SHISA9: variants seen among roughly 807,000 people sequenced by gnomAD.
The protein encoded by SHISA9 is shisa family member 9, also known as protein shisa-9.
Under a neutral mutation model 38.0 loss-of-function variants are expected in SHISA9, and 13 were observed. The ratio of observed to expected loss-of-function variants is 0.34; its 90% CI spans 0.22 to 0.54. The LOEUF (loss-of-function observed/expected upper bound fraction) is 0.54. Among genes scored for constraint, SHISA9 ranks in the 20% least tolerant of loss-of-function variants. The probability of loss-of-function intolerance (pLI) is 0.91; values close to 1 mark genes in which losing one functional copy is unlikely to be tolerated. For missense variants in SHISA9, 538 were observed against 575.8 expected (o/e 0.93, Z 0.67); for synonymous variants, 275 against 242.0 (o/e 1.14, Z -1.27).
the SHISA9 span, among the ~76,000 whole-genome samples, chr16:13,561,420 C>A: frequency 6.6e-6 from 1 of 152,206 alleles, no homozygotes; most frequent in Admixed American, 6.5e-5. Flanking sequence ...CATTCTCGTG[C>A]TGCTGTCAGA....
At chr16:13,419,814 A>G in the SHISA9 span, among the ~76,000 whole-genome samples, 1 of 152,236 alleles carries the variant, frequency 6.6e-6, no homozygotes, top group Non-Finnish European at 1.5e-5. Flanking sequence ...CTTTATTTAC[A>G]AAGCCAGGTG....
chr16:12,969,036 A>G (rs1480500994), intron 2 of SHISA9, among the ~76,000 whole-genome samples: 1 of 152,000 alleles, frequency 6.6e-6, no homozygotes, highest in Non-Finnish European at 1.5e-5. Context: ...GCGCACCTGT[A>G]GTCCCAGCTA....
At chr16:13,215,803 A>G (rs1307738550) in intron 4 of SHISA9, among the ~76,000 whole-genome samples, 7 of 151,930 alleles carry the variant, frequency 4.6e-5, no homozygotes, top group African/African-American at 1.7e-4. Flanking sequence ...TCTCTACTCA[A>G]CCTCTAGACC....
At chr16:13,144,971 G>A (rs1386309590) in intron 2 of SHISA9, among the ~76,000 whole-genome samples, 1 of 152,232 alleles carries the variant, frequency 6.6e-6, no homozygotes, top group African/African-American at 2.4e-5. Flanking sequence ...AGAAGATAGA[G>A]CTTTTGGCAG....
At chr16:13,085,376 T>C (rs142173821) in intron 2 of SHISA9, among the ~76,000 whole-genome samples, 4 of 152,120 alleles carry the variant, frequency 2.6e-5, no homozygotes, top group African/African-American at 4.8e-5. Flanking sequence ...CCAACATAGA[T>C]ATAGGTTCTA....
intron 2 of SHISA9, among the ~76,000 whole-genome samples, chr16:13,017,926 T>G (rs1046203537): frequency 6.6e-6 from 1 of 152,208 alleles, no homozygotes; most frequent in Non-Finnish European, 1.5e-5. Flanking sequence ...TAGCTGAGTT[T>G]TAAGGAAATC....
chr16:13,005,859 T>TG (rs2072591454), intron 2 of SHISA9, among the ~76,000 whole-genome samples: 2 of 152,220 alleles, frequency 1.3e-5, no homozygotes, highest in South Asian at 2.1e-4. Context: ...TAGGGACTGT[T>TG]GCCTGTTTAG....
At chr16:13,252,553 G>T in the SHISA9 span, among the ~76,000 whole-genome samples, 1 of 152,100 alleles carries the variant, frequency 6.6e-6, no homozygotes, top group African/African-American at 2.4e-5. Flanking sequence ...ACATCTGTTG[G>T]GTCTTTGATT....
the SHISA9 span, among the ~76,000 whole-genome samples, chr16:13,549,809 G>C: frequency 6.6e-6 from 1 of 152,058 alleles, no homozygotes; most frequent in Non-Finnish European, 1.5e-5. Context: ...CAGATCACAA[G>C]GTCAGGAGTT....
the SHISA9 span, among the ~76,000 whole-genome samples, chr16:13,310,837 C>A: frequency 1.3e-5 from 2 of 151,936 alleles, no homozygotes; most frequent in African/African-American, 4.8e-5. Flanking sequence ...GGGCCTGCCA[C>A]CATTCACAGC....
intron 2 of SHISA9, among the ~76,000 whole-genome samples, chr16:13,185,604 T>G (rs1025336309): frequency 6.6e-6 from 1 of 152,216 alleles, no homozygotes; most frequent in African/African-American, 2.4e-5. Context: ...TAATCTCTCT[T>G]TGTACCTGCT....
chr16:13,065,446 C>G (rs572000285), intron 2 of SHISA9, among the ~76,000 whole-genome samples: 1 of 152,288 alleles, frequency 6.6e-6, no homozygotes, highest in South Asian at 2.1e-4. Flanking sequence ...AAGGCCAAAG[C>G]CACGTTTAGG....
chr16:13,034,731 A>G (rs1464828023), intron 2 of SHISA9, among the ~76,000 whole-genome samples: 2 of 152,188 alleles, frequency 1.3e-5, no homozygotes, highest in Non-Finnish European at 2.9e-5. Context: ...CTATGTGCCA[A>G]TTCTGAGCCT....
chr16:13,171,092 G>A (rs1166597848), intron 2 of SHISA9, among the ~76,000 whole-genome samples: 2 of 152,186 alleles, frequency 1.3e-5, no homozygotes, highest in African/African-American at 2.4e-5. Context: ...TTCCAATCAC[G>A]GCCAAAATTG....
intron 2 of SHISA9, among the ~76,000 whole-genome samples, chr16:12,979,293 G>A (rs2072209226): frequency 6.6e-6 from 1 of 151,794 alleles, no homozygotes; most frequent in African/African-American, 2.4e-5. Context: ...CACTGTGCCT[G>A]GTGCTGAAGT....
At chr16:12,970,857 G>A (rs1468117303) in intron 2 of SHISA9, among the ~76,000 whole-genome samples, 1 of 152,030 alleles carries the variant, frequency 6.6e-6, no homozygotes, top group Non-Finnish European at 1.5e-5. Flanking sequence ...TCAGAAGAAT[G>A]TAAGCCCATG....
chr16:13,223,330 T>C (rs1239063564), intron 4 of SHISA9, among the ~76,000 whole-genome samples: 7 of 152,042 alleles, frequency 4.6e-5, no homozygotes, highest in African/African-American at 1.7e-4. Context: ...CTCGGGAGGC[T>C]GAGGTGGGAG....
chr16:13,491,671 G>T, the SHISA9 span, among the ~76,000 whole-genome samples: 4 of 151,570 alleles, frequency 2.6e-5, no homozygotes, highest in African/African-American at 9.7e-5. Flanking sequence ...TGTATTCTTA[G>T]TAGAGTCGGG....
the SHISA9 span, among the ~76,000 whole-genome samples, chr16:13,470,332 T>G: frequency 6.6e-6 from 1 of 152,182 alleles, no homozygotes; most frequent in Non-Finnish European, 1.5e-5. Flanking sequence ...ATCTATAGAA[T>G]TTAATGTATG....
Sources: gnomAD v4.1 joint callset for allele counts (sites outside exome capture counted in the v4.1 genomes callset) on GRCh38, gnomAD v4.1.1 for gene constraint, MANE v1.5 for transcripts, NCBI Gene and HGNC (gene_info 2026-07-23, HGNC 2026-07-21) for gene names.